VPS41: variants seen among roughly 807,000 people sequenced by gnomAD.
The protein encoded by VPS41 is vacuolar protein sorting-associated protein 41 homolog.
A neutral mutation model predicts 130.9 loss-of-function variants in VPS41; 85 were observed. The observed-to-expected ratio is 0.65, with a 90% CI of 0.55 to 0.78. The LOEUF (loss-of-function observed/expected upper bound fraction) is 0.78, where lower values mean the gene tolerates loss of function less well. Ranked by LOEUF, VPS41 falls within the 30% of genes least tolerant of loss-of-function variation. VPS41 has a pLI of 0.00. For synonymous variants in VPS41, 335 were observed against 332.9 expected (o/e 1.01, Z -0.07); for missense variants, 874 against 1,018.7 (o/e 0.86, Z 1.93).
intron 13 of VPS41, among the ~76,000 whole-genome samples, chr7:38,771,981 A>G (rs112927605): frequency 0.055 from 8,295 of 152,170 alleles, 734 homozygotes; most frequent in African/African-American, 0.19. Flanking sequence ...GTTGTTTTAA[A>G]TTAGTATATA....
chr7:38,762,778 T>C (rs1783947941), intron 17 of VPS41, among the ~76,000 whole-genome samples: 1 of 152,054 alleles, frequency 6.6e-6, no homozygotes, highest in African/African-American at 2.4e-5. Context: ...CTTATGAAAA[T>C]AAAAACAAAT....
At chr7:38,842,940 A>G (rs1342681079) in intron 4 of VPS41, among the ~76,000 whole-genome samples, 1 of 152,218 alleles carries the variant, frequency 6.6e-6, no homozygotes, top group Non-Finnish European at 1.5e-5. Flanking sequence ...TAAACTCAGC[A>G]TCTGGCATAG....
intron 1 of VPS41, among the ~76,000 whole-genome samples, chr7:38,899,588 A>G (rs73366702): frequency 0.017 from 2,531 of 152,292 alleles, 71 homozygotes; most frequent in African/African-American, 0.056. Flanking sequence ...TTTACTGAAC[A>G]TCTATTATAA....
intron 7 of VPS41, among the ~76,000 whole-genome samples, chr7:38,798,361 C>T (rs1463190318): frequency 1.3e-5 from 2 of 152,168 alleles, no homozygotes; most frequent in African/African-American, 4.8e-5. Context: ...GGCACCATCT[C>T]AGCTCACTGC....
At chr7:38,765,183 A>C (rs554278562) in intron 16 of VPS41, among the ~76,000 whole-genome samples, 31 of 152,212 alleles carry the variant, frequency 2.0e-4, no homozygotes, top group South Asian at 2.1e-4. Context: ...CTAGGTGGTC[A>C]ATTTTTTCCA....
intron 7 of VPS41, among the ~76,000 whole-genome samples, chr7:38,806,416 A>T (rs1184562282): frequency 6.6e-6 from 1 of 152,218 alleles, no homozygotes; most frequent in Non-Finnish European, 1.5e-5. Flanking sequence ...ATAGATCCAT[A>T]AGATAGAATA....
At chr7:38,861,329 C>T (rs777763488) in intron 4 of VPS41, among the ~76,000 whole-genome samples, 33 of 152,086 alleles carry the variant, frequency 2.2e-4, no homozygotes, top group Non-Finnish European at 2.6e-4. Context: ...TGAGGGGGCA[C>T]GCACAACACC....
chr7:38,906,880 T>C (rs940829905), intron 1 of VPS41, among the ~76,000 whole-genome samples: 20 of 152,152 alleles, frequency 1.3e-4, no homozygotes, highest in African/African-American at 4.8e-4. Flanking sequence ...GACTGGAGAT[T>C]TATTATATTA....
Position 38,772,646 on chromosome 7 carries a change from G to C in VPS41, c.1013-9C>G. On this transcript the variant is annotated splice_polypyrimidine_tract_variant and intron_variant, in intron 12 of 28. Transcript: ENST00000310301. ...TTCCCCTTCAGAGTATTCTGTAGGT[G>C]AGAAAAGAGAGGAACGACTTGGTGA... 1 of 1,585,222 alleles carries C rather than the reference G, an allele frequency of 6.3e-7. No homozygotes were observed. Among genetic ancestry groups the C allele is most frequent in the East Asian group, 2.2e-5 (1 of 44,482 alleles).
chr7:38,862,592 C>T lies in VPS41; in HGVS notation c.199G>A (p.Val67Ile), dbSNP rs1436945817. Residue 67 changes from valine to isoleucine, a missense_variant, in exon 4 of 29, where the codon GTT becomes ATT. Physicochemically the swap from Val to Ile is conservative, Grantham distance 29. Coordinates refer to ENST00000310301, the MANE Select transcript of VPS41 (RefSeq NM_014396.4). Reference sequence around the variant, plus strand: ...TTCCCCTGGACATCAAGTAAATAAACCTTGCCATAATGTGTGCCCAATGCC... The same window carrying T: ...TTCCCCTGGACATCAAGTAAATAAATCTTGCCATAATGTGTGCCCAATGCC... ...FLALGTHYGKVYLLDVQGNIT... is the reference protein window; with the variant it reads ...FLALGTHYGKIYLLDVQGNIT... 1.9e-6 allele frequency: 3 copies of T among 1,610,482 alleles called. No individual in the cohort carries two copies. Among genetic ancestry groups the T allele is most frequent in the Middle Eastern group, 1.7e-4 (1 of 6,044 alleles).
At chr7:38,796,309 G>A (rs542015902) in intron 8 of VPS41, 18 of 331,742 alleles carry the variant, frequency 5.4e-5, no homozygotes, top group African/African-American at 8.7e-5. Context: ...TGAAAATTAC[G>A]ATCCACTTTC....
chr7:38,768,543 T>A (rs1028288034), intron 14 of VPS41, among the ~76,000 whole-genome samples: 1 of 152,166 alleles, frequency 6.6e-6, no homozygotes, highest in African/African-American at 2.4e-5. Context: ...TGAAGCAAAA[T>A]ACCCATCATT....
intron 2 of VPS41, among the ~76,000 whole-genome samples, chr7:38,880,609 G>A (rs1786584231): frequency 6.6e-6 from 1 of 152,158 alleles, no homozygotes; most frequent in Non-Finnish European, 1.5e-5. Context: ...GATTCTGAGA[G>A]ACGTATTTAA....
At chr7:38,791,452 A>G (rs1401768864) in intron 9 of VPS41, among the ~76,000 whole-genome samples, 1 of 152,164 alleles carries the variant, frequency 6.6e-6, no homozygotes, top group African/African-American at 2.4e-5. Context: ...TGTGAAATAG[A>G]TATCATTATT....
intron 24 of VPS41, 110 bp from the exon 25 acceptor site, chr7:38,742,231 A>C (rs1335062318): frequency 1.9e-6 from 2 of 1,045,074 alleles, no homozygotes; most frequent in East Asian, 5.4e-5. Context: ...ACTCAAAGAA[A>C]AAATTATTTC....
chr7:38,796,779 C>G lies in VPS41; in HGVS notation c.536G>C (p.Trp179Ser). The change falls in exon 8 of 29, where the codon TGG becomes TCG. Residue 179 changes from tryptophan to serine, a missense_variant. Physicochemically the swap from Trp to Ser is radical, Grantham distance 177. Transcript: ENST00000310301. The stretch of plus-strand genomic sequence containing the variant: ...GGCCCAAGCAATCAGATGGCCTCTC[C>G]ACTTCACACTCCTTATGTTCCCTTC... ...EGEGNIRSVK[W>S]RGHLIAWANN... 1 of 1,613,962 alleles carries G rather than the reference C, an allele frequency of 6.2e-7. No individual in the cohort carries two copies. The highest frequency in any genetic ancestry group is 8.5e-7 in the Non-Finnish European group (1 of 1,179,876).
At chr7:38,794,470 C>T (rs1319075628) in intron 9 of VPS41, among the ~76,000 whole-genome samples, 2 of 152,200 alleles carry the variant, frequency 1.3e-5, no homozygotes, top group African/African-American at 2.4e-5. Flanking sequence ...TAAATAGCCA[C>T]GTCCCCTTCA....
chr7:38,872,958 C>T (rs1357123274), intron 2 of VPS41, among the ~76,000 whole-genome samples: 3 of 152,274 alleles, frequency 2.0e-5, no homozygotes, highest in African/African-American at 7.2e-5. Context: ...CAAGTCTGGA[C>T]ATCAAATGTG....
intron 2 of VPS41, among the ~76,000 whole-genome samples, chr7:38,894,265 T>C (rs1786930613): frequency 6.6e-6 from 1 of 152,152 alleles, no homozygotes; most frequent in Admixed American, 6.5e-5. Context: ...TGATTCAAAC[T>C]GAGTAAAAAA....
Sources: allele counts gnomAD v4.1 joint callset (sites outside exome capture counted in the v4.1 genomes callset), GRCh38; gene constraint gnomAD v4.1.1; transcripts MANE v1.5; gene names NCBI Gene and HGNC (gene_info 2026-07-23, HGNC 2026-07-21).